The following WWOX variants were observed in gnomAD, a reference collection of about 807,000 sequenced individuals.
The protein encoded by WWOX is WW domain-containing oxidoreductase.
A neutral mutation model predicts 46.2 loss-of-function variants in WWOX; 69 were observed. The observed-to-expected ratio is 1.49, with a 90% CI of 1.23 to 1.82. WWOX has a LOEUF of 1.82. Among genes scored for constraint, WWOX ranks in the 40% most tolerant of loss-of-function variants. The pLI, the probability that WWOX is intolerant of heterozygous loss-of-function variation, is 0.00. For missense variants in WWOX, 919 were observed against 542.6 expected (o/e 1.69, Z -6.89); for synonymous variants, 359 against 202.6 (o/e 1.77, Z -6.56).
chr16:79,174,700 T>G (rs1242951136), intron 8 of WWOX, among the ~76,000 whole-genome samples: 1 of 152,196 alleles, frequency 6.6e-6, no homozygotes, highest in Non-Finnish European at 1.5e-5. Flanking sequence ...ATGTCCGCCC[T>G]AAGCACTGAG....
chr16:78,796,813 T>G (rs2050749092), intron 8 of WWOX, among the ~76,000 whole-genome samples: 1 of 149,472 alleles, frequency 6.7e-6, no homozygotes, highest in Admixed American at 6.8e-5. Flanking sequence ...GATCCCATGT[T>G]TCTTTATCTT....
chr16:78,853,049 T>C (rs564787300), intron 8 of WWOX, among the ~76,000 whole-genome samples: 1 of 152,324 alleles, frequency 6.6e-6, no homozygotes, highest in South Asian at 2.1e-4. Flanking sequence ...AGTTTTCTTA[T>C]CTGCAAAATG....
chr16:78,481,671 G>A (rs79769481), intron 8 of WWOX, among the ~76,000 whole-genome samples: 176 of 150,804 alleles, frequency 1.2e-3, no homozygotes, highest in South Asian at 7.1e-3. Context: ...CAATTTGGCT[G>A]TATTTGCCAG....
chr16:78,955,530 G>C (rs905670024), intron 8 of WWOX, among the ~76,000 whole-genome samples: 2 of 152,186 alleles, frequency 1.3e-5, no homozygotes, highest in Admixed American at 6.5e-5. Context: ...CCAGGCTGCA[G>C]GGATAATAAC....
chr16:78,112,145 A>C (rs192687307), intron 3 of WWOX, among the ~76,000 whole-genome samples: 6 of 152,344 alleles, frequency 3.9e-5, no homozygotes, highest in Admixed American at 2.6e-4. Context: ...TAAGCCCAGT[A>C]GGGCTGGACC....
rs1454171272 is a variant in WWOX, at chr16:78,867,692, C to T, written c.1057-343916C>T. Among the ~76,000 whole-genome samples, 3 of 152,074 alleles carry T rather than the reference C, an allele frequency of 2.0e-5. No individual in the cohort carries two copies. In the East Asian group the frequency reaches 5.8e-4, roughly 29 times the overall value. ...AGTAGCTGGGATTTCAGGTGCCTGC[C>T]ACCATGCCTGGCTAATTAAGTGAGT... On this transcript the variant is annotated intron_variant, in intron 8 of 8. Transcript: ENST00000566780.
intron 8 of WWOX, among the ~76,000 whole-genome samples, chr16:78,432,976 C>T (rs1466850644): frequency 6.6e-6 from 1 of 152,098 alleles, no homozygotes; most frequent in Non-Finnish European, 1.5e-5. Flanking sequence ...GTTTCAGTAT[C>T]ATGTTAAGTA....
At chr16:78,995,364 T>C (rs2046969684) in intron 8 of WWOX, among the ~76,000 whole-genome samples, 1 of 152,236 alleles carries the variant, frequency 6.6e-6, no homozygotes, top group Non-Finnish European at 1.5e-5. Flanking sequence ...AGTGTGCCTG[T>C]GGACTGCGTT....
intron 8 of WWOX, among the ~76,000 whole-genome samples, chr16:78,818,193 G>A (rs1393139656): frequency 4.6e-5 from 7 of 152,178 alleles, no homozygotes; most frequent in African/African-American, 1.7e-4. Flanking sequence ...CTGTGTTCAG[G>A]TACTCCCTGG....
intron 8 of WWOX, among the ~76,000 whole-genome samples, chr16:79,174,695 C>T (rs943264633): frequency 2.0e-5 from 3 of 152,142 alleles, no homozygotes; most frequent in Admixed American, 6.5e-5. Context: ...TTTCTATGTC[C>T]GCCCTAAGCA....
chr16:78,720,598 A>G (rs1052903719), intron 8 of WWOX, among the ~76,000 whole-genome samples: 2 of 151,992 alleles, frequency 1.3e-5, no homozygotes, highest in Non-Finnish European at 2.9e-5. Context: ...TCAGACCACC[A>G]TATTTGTCCT....
At chr16:78,331,180 C>G (rs770183049) in intron 5 of WWOX, among the ~76,000 whole-genome samples, 5 of 152,120 alleles carry the variant, frequency 3.3e-5, no homozygotes, top group Non-Finnish European at 7.4e-5. Context: ...CTTTTTGTTG[C>G]AACTAAAATA....
chr16:79,212,333 C>T lies in WWOX; in HGVS notation c.*537C>T. On this transcript the variant is annotated 3_prime_UTR_variant, in exon 9 of 9. Transcript: ENST00000566780. ...GACAAATCTCAGAACCTTGTCCCAG[C>T]CAGTGAGGATGACAGTGACACCCAG... 1 of 725,738 alleles carries T rather than the reference C, an allele frequency of 1.4e-6. No homozygotes were observed. Among genetic ancestry groups the T allele is most frequent in the Non-Finnish European group, 2.2e-6 (1 of 465,064 alleles). 45.0% of individuals were successfully genotyped at this position (725,738 alleles called of 1,614,324 possible). A position where few individuals can be genotyped will look rare whatever the true frequency, so the allele number is the denominator to read the frequency against.
intron 8 of WWOX, among the ~76,000 whole-genome samples, chr16:78,624,206 CT>C (rs201758464): frequency 0.28 from 37,832 of 134,642 alleles, 6,766 homozygotes; most frequent in African/African-American, 0.55. Flanking sequence ...ATTTTCTAAT[CT>C]TTTTTTTTTT....
At chr16:78,472,794 A>T (rs1240382595) in intron 8 of WWOX, among the ~76,000 whole-genome samples, 3 of 131,330 alleles carry the variant, frequency 2.3e-5, no homozygotes, top group Non-Finnish European at 3.1e-5. Context: ...GGGCGACAAG[A>T]GTGAAACTCC....
chr16:78,695,156 G>C (rs76693109), intron 8 of WWOX, among the ~76,000 whole-genome samples: 18,830 of 152,100 alleles, frequency 0.12, 3,086 homozygotes, highest in African/African-American at 0.38. Flanking sequence ...AATGAAATAT[G>C]AACATTTGTT....
rs144700440 is a variant in WWOX at position 78,327,049 on chromosome 16, C to T, written c.517-59811C>T. On this transcript the variant is annotated intron_variant, in intron 5 of 8. Transcript: ENST00000566780. ...TTGGCTTCCTCGATCCTCAGCACTG[C>T]GCTGGGCACTGCCCCCCAGGAGCAT... 2.2e-3 allele frequency among the ~76,000 whole-genome samples: 331 copies of T among 152,262 alleles called. 2 individuals carry two copies. The highest frequency in any genetic ancestry group is 6.8e-3 in the East Asian group (35 of 5,180).
intron 8 of WWOX, among the ~76,000 whole-genome samples, chr16:78,862,994 C>T (rs927508149): frequency 2.2e-5 from 3 of 138,898 alleles, no homozygotes; most frequent in Admixed American, 7.7e-5. Context: ...GAGTCTTGCT[C>T]TGTTGCCAGG....
At chr16:78,848,605 G>A (rs1278134870) in intron 8 of WWOX, among the ~76,000 whole-genome samples, 1 of 152,134 alleles carries the variant, frequency 6.6e-6, no homozygotes, top group African/African-American at 2.4e-5. Context: ...GGTGCAGAGT[G>A]GGAAGGGCAG....
Sources: gnomAD v4.1 joint callset for allele counts (sites outside exome capture counted in the v4.1 genomes callset) on GRCh38, gnomAD v4.1.1 for gene constraint, MANE v1.5 for transcripts, NCBI Gene and HGNC (gene_info 2026-07-23, HGNC 2026-07-21) for gene names.